The following CSMD1 variants were observed in gnomAD, a reference collection of about 807,000 sequenced individuals.
The protein encoded by CSMD1 is CUB and sushi domain-containing protein 1.
CSMD1 carries 213 observed loss-of-function variants against 417.5 expected under a neutral mutation model. The ratio of observed to expected loss-of-function variants is 0.51; its 90% confidence interval spans 0.46 to 0.57. The LOEUF is 0.57. CSMD1 is among the 20% of genes least tolerant of loss of function. The probability of loss-of-function intolerance (pLI) is 0.00; values close to 1 mark genes in which losing one functional copy is unlikely to be tolerated. For missense variants in CSMD1, 6,923 were observed against 4,529.7 expected, an observed-to-expected ratio of 1.53 and a Z score of -15.17; for synonymous variants, 2,862 against 1,736.8, an observed-to-expected ratio of 1.65 and a Z score of -16.11.
rs183600879 is a variant in CSMD1 at position 4,203,683 on chromosome 8, A to C, written c.416-171584T>G. The stretch of plus-strand genomic sequence containing the variant: ...GTTCCTCTCCTGGCCATTTGTAAGT[A>C]GGGATCACACACACACAAACATACA... On this transcript the variant is annotated intron_variant, in intron 3 of 69. Transcript: ENST00000635120. 4.9e-3 allele frequency among the ~76,000 whole-genome samples: 747 copies of C among 152,252 alleles called. 10 individuals are homozygous for C. The highest frequency in any genetic ancestry group is 0.01 in the Middle Eastern group (3 of 294).
intron 11 of CSMD1, among the ~76,000 whole-genome samples, chr8:3,474,401 T>C (rs1239653234): frequency 2.0e-5 from 3 of 152,138 alleles, no homozygotes; most frequent in South Asian, 2.1e-4. Flanking sequence ...CAATGTTTTC[T>C]TGGCAAACAA....
intron 5 of CSMD1, among the ~76,000 whole-genome samples, chr8:3,996,735 T>G (rs1414766676): frequency 6.6e-6 from 1 of 152,198 alleles, no homozygotes; most frequent in African/African-American, 2.4e-5. Flanking sequence ...GTAGAATTTG[T>G]TTGGTTTCTT....
rs368171806 is a variant in CSMD1 at position 3,510,285 on chromosome 8, C to T, written c.1345-16559G>A. Among the ~76,000 whole-genome samples the T allele has an allele frequency of 3.3e-5, 5 of 151,972 alleles. No individual in the cohort carries two copies. In the East Asian group the frequency reaches 7.7e-4, roughly 24 times the overall value. On this transcript the variant is annotated intron_variant, in intron 10 of 69. Coordinates refer to ENST00000635120, the MANE Select transcript of CSMD1 (RefSeq NM_033225.6). ...TTGCCTGCAGCCCAGGCTTCTCACT[C>T]CACATGGCCTGCCTCTGTCTTCCCA...
intron 5 of CSMD1, among the ~76,000 whole-genome samples, chr8:3,822,659 ATGT>A (rs1801804150): frequency 6.6e-6 from 1 of 152,088 alleles, no homozygotes; most frequent in African/African-American, 2.4e-5. Flanking sequence ...GTCTTCATTT[ATGT>A]CTTCTCAGCT....
chr8:3,917,384 T>A (rs760368308), intron 5 of CSMD1, among the ~76,000 whole-genome samples: 1 of 150,418 alleles, frequency 6.6e-6, no homozygotes, highest in African/African-American at 2.5e-5. Context: ...ACTGCTTCCC[T>A]CTACAGGAGT....
chr8:3,066,690 C>A (rs1455149277), intron 49 of CSMD1, among the ~76,000 whole-genome samples: 1 of 152,088 alleles, frequency 6.6e-6, no homozygotes, highest in Non-Finnish European at 1.5e-5. Context: ...TCTGTAGATT[C>A]CAAACAGACT....
At chr8:3,542,456 G>A (rs1585333254) in intron 10 of CSMD1, among the ~76,000 whole-genome samples, 2 of 152,306 alleles carry the variant, frequency 1.3e-5, no homozygotes, top group Middle Eastern at 6.8e-3. Flanking sequence ...GAAACTGACA[G>A]TCTCTGACCT....
intron 3 of CSMD1, among the ~76,000 whole-genome samples, chr8:4,413,623 T>A (rs1412900155): frequency 6.6e-6 from 1 of 152,200 alleles, no homozygotes; most frequent in Non-Finnish European, 1.5e-5. Context: ...AATATTCAGT[T>A]GCACAAGACA....
At chr8:4,199,146 C>A (rs561782325) in intron 3 of CSMD1, among the ~76,000 whole-genome samples, 15 of 152,248 alleles carry the variant, frequency 9.9e-5, no homozygotes, top group African/African-American at 3.6e-4. Flanking sequence ...TATGAGACTG[C>A]AGAACGTATC....
intron 3 of CSMD1, among the ~76,000 whole-genome samples, chr8:4,361,172 A>T (rs1801737269): frequency 6.6e-6 from 1 of 152,204 alleles, no homozygotes; most frequent in Non-Finnish European, 1.5e-5. Context: ...GCTAAATTAG[A>T]CTTATTAAGC....
rs550642081 is a variant in CSMD1, at chr8:3,794,459, C to T, written c.819-40417G>A. 3.9e-5 allele frequency among the ~76,000 whole-genome samples: 6 copies of T among 152,120 alleles called. No individual in the cohort carries two copies. In the East Asian group the frequency reaches 1.2e-3, roughly 29 times the overall value. On this transcript the variant is annotated intron_variant, in intron 5 of 69. Coordinates refer to ENST00000635120, the MANE Select transcript of CSMD1 (RefSeq NM_033225.6). ...GATCATAGAATCAGTACTTATAAACCAATTAAATCAACAAATAGTTTTTCA... is the reference window on the plus strand; with the variant it reads ...GATCATAGAATCAGTACTTATAAACTAATTAAATCAACAAATAGTTTTTCA...
intron 3 of CSMD1, among the ~76,000 whole-genome samples, chr8:4,185,782 T>C (rs918530921): frequency 6.6e-6 from 1 of 152,098 alleles, no homozygotes; most frequent in African/African-American, 2.4e-5. Flanking sequence ...CCAGTGGAAA[T>C]GTGTAAGATG....
At chr8:3,767,178 G>A (rs1798318639) in intron 5 of CSMD1, among the ~76,000 whole-genome samples, 3 of 152,196 alleles carry the variant, frequency 2.0e-5, no homozygotes, top group South Asian at 2.1e-4. Flanking sequence ...CTTAGGTCAC[G>A]CTGCCATCGT....
At chr8:4,802,435 A>G (rs893904158) in intron 1 of CSMD1, among the ~76,000 whole-genome samples, 1 of 152,064 alleles carries the variant, frequency 6.6e-6, no homozygotes, top group African/African-American at 2.4e-5. Flanking sequence ...AACCTTTATC[A>G]TGTGTGCCAT....
At chr8:4,825,114 A>C (rs1035161522) in intron 1 of CSMD1, among the ~76,000 whole-genome samples, 4 of 152,108 alleles carry the variant, frequency 2.6e-5, no homozygotes, top group African/African-American at 9.7e-5. Context: ...GAACAACACA[A>C]ATCAAGGTAA....
chr8:3,117,505 C>T (rs1224266992), intron 42 of CSMD1, among the ~76,000 whole-genome samples: 1 of 152,130 alleles, frequency 6.6e-6, no homozygotes, highest in Non-Finnish European at 1.5e-5. Context: ...TTCAAAGGTC[C>T]ACGGAGTTGG....
At chr8:3,453,517 G>C (rs986742596) in intron 12 of CSMD1, among the ~76,000 whole-genome samples, 1 of 152,026 alleles carries the variant, frequency 6.6e-6, no homozygotes, top group African/African-American at 2.4e-5. Flanking sequence ...TTGTGTCTTT[G>C]TTCTCATTGG....
intron 40 of CSMD1, among the ~76,000 whole-genome samples, chr8:3,143,456 G>C (rs1818634584): frequency 1.3e-5 from 2 of 152,178 alleles, no homozygotes; most frequent in Admixed American, 6.5e-5. Flanking sequence ...ATACTCATCT[G>C]TGAATTAAAT....
At chr8:4,674,326 C>T (rs1805540841) in intron 1 of CSMD1, among the ~76,000 whole-genome samples, 1 of 151,910 alleles carries the variant, frequency 6.6e-6, no homozygotes, top group Non-Finnish European at 1.5e-5. Context: ...GAAAAAAATG[C>T]TAAGGAAGGT....
Sources: gnomAD v4.1 joint callset for allele counts (sites outside exome capture counted in the v4.1 genomes callset) on GRCh38, gnomAD v4.1.1 for gene constraint, MANE v1.5 for transcripts, NCBI Gene and HGNC (gene_info 2026-07-23, HGNC 2026-07-21) for gene names.